Variants in FER1L6 observed in about 807,000 individuals in gnomAD.
FER1L6 encodes fer-1-like protein 6.
Under a neutral mutation model 219.2 loss-of-function variants are expected in FER1L6, and 177 were observed. The ratio of observed to expected loss-of-function variants is 0.81; its 90% CI spans 0.71 to 0.91. The LOEUF (loss-of-function observed/expected upper bound fraction) is 0.91. FER1L6 is among the 40% of genes least tolerant of loss of function. FER1L6 has a pLI of 0.00. For missense variants in FER1L6, 2,153 were observed against 2,259.9 expected (o/e 0.95, Z 0.96); for synonymous variants, 768 against 824.3 (o/e 0.93, Z 1.17).
At chr8:123,859,378 C>T (rs546703721) in intron 1 of FER1L6, among the ~76,000 whole-genome samples, 41 of 152,234 alleles carry the variant, frequency 2.7e-4, no homozygotes, top group African/African-American at 9.6e-4. Context: ...TCCATCACCT[C>T]ACCAATTTAT....
chr8:124,012,159 C>G (rs960389347), intron 14 of FER1L6, among the ~76,000 whole-genome samples: 1 of 152,196 alleles, frequency 6.6e-6, no homozygotes, highest in Non-Finnish European at 1.5e-5. Context: ...TCCGTTAAAA[C>G]CTATGCTAAG....
intron 33 of FER1L6, among the ~76,000 whole-genome samples, chr8:124,086,988 T>C (rs182867054): frequency 2.0e-4 from 31 of 152,334 alleles, no homozygotes; most frequent in Non-Finnish European, 2.2e-4. Flanking sequence ...TGTTATTTCT[T>C]TTCTCTCGCT....
In FER1L6 at chr8:123,975,244, G is replaced by T. The variant is rs199744134; in HGVS notation, c.621G>T (p.Met207Ile). The change falls in exon 8 of 41, where the codon ATG becomes ATT. Residue 207 changes from methionine to isoleucine, a missense_variant. Transcript: ENST00000522917. The part of the protein sequence containing the change: ...KGYLKCDISV[M>I]GKGDVLKTSP... ...ACCTGAAATGTGACATCAGTGTCAT[G>T]GGAAAAGGTGATGTCTTGAAGACCA... The T allele has an allele frequency of 4.3e-6, 7 of 1,613,396 alleles. No homozygotes were observed. In the Admixed American group the frequency reaches 1.0e-4, roughly 23 times the overall value.
intron 1 of FER1L6, among the ~76,000 whole-genome samples, chr8:123,883,426 G>GT (rs889829845): frequency 3.9e-5 from 6 of 152,214 alleles, no homozygotes; most frequent in Admixed American, 3.3e-4. Context: ...GCAAGTCTTG[G>GT]TTTTTAAGTA....
rs1819409178 is a variant in FER1L6 at position 124,039,993 on chromosome 8, GC to G, written c.2578del (p.Gln860ArgfsTer5). Reference protein sequence around the residue: ...PFAKVTFLSHCQTTKIISQTL... With the variant: ...PFAKVTFLSHXQTTKIISQTL... ...GCCAAAGTCACGTTCCTTTCTCACT[GC>G]CAGACAACAAAGGTAACCAGGGTAA... On this transcript the variant is annotated frameshift_variant, in exon 20 of 41. Coordinates refer to ENST00000522917, the MANE Select transcript of FER1L6 (RefSeq NM_001039112.2). LOFTEE classifies it high-confidence loss of function. 6.2e-7 allele frequency: 1 copy of G among 1,614,054 alleles called. No homozygotes were observed. The highest frequency in any genetic ancestry group is 1.3e-5 in the African/African-American group (1 of 75,018).
intron 1 of FER1L6, among the ~76,000 whole-genome samples, chr8:123,898,940 A>C (rs1270817743): frequency 6.6e-6 from 1 of 150,958 alleles, no homozygotes; most frequent in African/African-American, 2.4e-5. Context: ...CAATTTTGCA[A>C]TTGTGAATTG....
In FER1L6 at chr8:123,852,468, ATGCGTG is replaced by A. The variant is rs1563661508; in HGVS notation, c.-8+286_-8+291del. On this transcript the variant is annotated intron_variant, in intron 1 of 40. Transcript: ENST00000522917. This position sits in a 1 kb window ranked among gnomAD's most constrained non-coding sequence, Gnocchi z 4.9. ...GTTGCTTGAACTCCATGTTGTGAGC[ATGCGTG>A]TGTGTGTGTGTGTGTGTGTGTGTGT... is the stretch of plus-strand genomic sequence containing the variant. Among the ~76,000 whole-genome samples, 1 of 100,520 alleles carries A rather than the reference ATGCGTG, an allele frequency of 9.9e-6. No individual in the cohort carries two copies. Among genetic ancestry groups the A allele is most frequent in the South Asian group, 3.8e-4 (1 of 2,638 alleles). 65.9% of individuals were successfully genotyped at this position (100,520 alleles called of 152,430 possible).
Position 124,095,015 on chromosome 8 carries a change from A to G in FER1L6, c.4672A>G (p.Lys1558Glu). The G allele has an allele frequency of 6.2e-7, 1 of 1,614,148 alleles. No homozygotes were observed. Among genetic ancestry groups the G allele is most frequent in the East Asian group, 2.2e-5 (1 of 44,878 alleles). Residue 1558 changes from lysine to glutamate, a missense_variant, in exon 35 of 41, where the codon AAG becomes GAG. Physicochemically the swap from Lys to Glu is moderately conservative, Grantham distance 56. Coordinates refer to ENST00000522917, the MANE Select transcript of FER1L6 (RefSeq NM_001039112.2). The part of the protein sequence containing the change: ...EHIETRPLYH[K>E]DKPGMEQGRL... The stretch of plus-strand genomic sequence containing the variant: ...CATAGAAACTCGGCCACTGTACCAC[A>G]AGGATAAGCCAGGAATGGAGCAGGT...
In FER1L6 at chr8:124,060,295, G is replaced by A. The variant is rs749303920; in HGVS notation, c.2985+5G>A. 53 of 1,613,460 alleles carry A rather than the reference G, an allele frequency of 3.3e-5. No homozygotes were observed. In the Admixed American group the frequency reaches 5.0e-4, roughly 15 times the overall value. Reference sequence around the variant, plus strand: ...CTGAGCAAATACCGAGTGGAGGTACGGGTCAGCGGAGGAGCTGAGTTGTTC... The same window carrying A: ...CTGAGCAAATACCGAGTGGAGGTACAGGTCAGCGGAGGAGCTGAGTTGTTC... On this transcript the variant is annotated splice_donor_5th_base_variant and intron_variant, in intron 23 of 40. Coordinates refer to ENST00000522917, the MANE Select transcript of FER1L6 (RefSeq NM_001039112.2).
chr8:123,950,067 A>T (rs999609809), intron 1 of FER1L6, among the ~76,000 whole-genome samples: 1 of 152,150 alleles, frequency 6.6e-6, no homozygotes, highest in African/African-American at 2.4e-5. Context: ...ATTAGCCTGG[A>T]TATTAAGAAG....
chr8:123,898,707 G>GTA (rs1365398802), intron 1 of FER1L6, among the ~76,000 whole-genome samples: 5 of 138,704 alleles, frequency 3.6e-5, no homozygotes, highest in Non-Finnish European at 7.7e-5. Context: ...ATGTGTATAC[G>GTA]TATATACGTA....
At chr8:123,983,622 T>C (rs1816422921) in intron 11 of FER1L6, among the ~76,000 whole-genome samples, 1 of 152,166 alleles carries the variant, frequency 6.6e-6, no homozygotes, top group Non-Finnish European at 1.5e-5. Context: ...TGGATGTAAA[T>C]TGTGGCAGTA....
intron 18 of FER1L6, among the ~76,000 whole-genome samples, chr8:124,027,671 C>T (rs1046213724): frequency 1.3e-5 from 2 of 152,194 alleles, no homozygotes; most frequent in African/African-American, 4.8e-5. Flanking sequence ...GCAATCCTCC[C>T]ACCTTAGCCT....
chr8:124,051,016 C>A (rs936530258), intron 22 of FER1L6, among the ~76,000 whole-genome samples: 3 of 152,028 alleles, frequency 2.0e-5, no homozygotes, highest in African/African-American at 7.3e-5. Flanking sequence ...AGTATAGAAA[C>A]CAGAAGGCAA....
In FER1L6 at chr8:124,071,753, A is replaced by G. The variant is rs539359582; in HGVS notation, c.4092+122A>G. The G allele has an allele frequency of 5.8e-5, 72 of 1,248,580 alleles. No homozygotes were observed. The African/African-American group carries it at 7.2e-4, about 13-fold the overall frequency. The allele number at this position is 1,248,580 out of a possible 1,614,324, so 77.3% of individuals were successfully genotyped here. A position where few individuals can be genotyped will look rare whatever the true frequency, so the allele number is the denominator to read the frequency against. On this transcript the variant is annotated intron_variant, in intron 31 of 40. Coordinates refer to ENST00000522917, the MANE Select transcript of FER1L6 (RefSeq NM_001039112.2). ...TTACTTTCCCACAGTTTTGAATGCC[A>G]TAAGTCTATAATCAAGTTGCTACCA...
chr8:123,976,227 C>A, intron 9 of FER1L6, 143 bp downstream of exon 9: 1 of 659,460 alleles, frequency 1.5e-6, no homozygotes, highest in Non-Finnish European at 2.5e-6. Flanking sequence ...TGGGGCCAGG[C>A]GAGGTGGCTC....
intron 22 of FER1L6, among the ~76,000 whole-genome samples, chr8:124,059,198 C>T (rs1418385337): frequency 1.3e-5 from 2 of 152,158 alleles, no homozygotes; most frequent in African/African-American, 4.8e-5. Context: ...GTAAGGAGAA[C>T]CACCTGCTCC....
intron 7 of FER1L6, 141 bp from the exon 8 acceptor site, chr8:123,975,009 G>A: frequency 1.5e-6 from 1 of 658,910 alleles, no homozygotes. Context: ...AGCAGCATGA[G>A]GTTTGGAAAA....
chr8:123,853,098 C>A lies in FER1L6; in HGVS notation c.-8+913C>A, dbSNP rs1237380720. ...GGCTCAAGCGATCCTCCTGCCTCAG[C>A]CTTCCAAAGTGCTCGGATTACGTGC... On this transcript the variant is annotated intron_variant, in intron 1 of 40. Coordinates refer to ENST00000522917, the MANE Select transcript of FER1L6 (RefSeq NM_001039112.2). This position sits in a 1 kb window ranked among gnomAD's most constrained non-coding sequence, Gnocchi z 6.6. Among the ~76,000 whole-genome samples the A allele has an allele frequency of 2.0e-5, 3 of 152,200 alleles. No individual in the cohort carries two copies. The highest frequency in any genetic ancestry group is 2.9e-5 in the Non-Finnish European group (2 of 68,030).
Sources: allele counts gnomAD v4.1 joint callset (sites outside exome capture counted in the v4.1 genomes callset), GRCh38; gene constraint gnomAD v4.1.1; non-coding constraint Gnocchi (gnomAD v3.1); transcripts MANE v1.5; gene names NCBI Gene and HGNC (gene_info 2026-07-23, HGNC 2026-07-21).